The following ZNF83 variants were observed in gnomAD, a reference collection of about 807,000 sequenced individuals.
ZNF83 encodes the protein zinc finger protein 816B.
For synonymous variants in ZNF83, 209 were observed against 213.0 expected (o/e 0.98, Z 0.17); for missense variants, 552 against 629.9 (o/e 0.88, Z 1.32).
intron 1 of ZNF83, among the ~76,000 whole-genome samples, chr19:52,670,840 A>T (rs887556896): frequency 3.3e-5 from 5 of 152,202 alleles, no homozygotes; most frequent in Non-Finnish European, 7.3e-5. Context: ...ACATTTTCTG[A>T]TTAGAATTGG....
chr19:52,645,743 G>T (rs2061363928), intron 3 of ZNF83, among the ~76,000 whole-genome samples: 2 of 151,250 alleles, frequency 1.3e-5, no homozygotes, highest in South Asian at 2.1e-4. Flanking sequence ...GGAGACAGAG[G>T]TTGCAGTGAG....
intron 2 of ZNF83, among the ~76,000 whole-genome samples, chr19:52,633,499 G>A (rs2147179172): frequency 6.6e-6 from 1 of 152,312 alleles, no homozygotes; most frequent in African/African-American, 2.4e-5. Context: ...GCACAGAACT[G>A]ACAGTAGCGG....
intron 3 of ZNF83, chr19:52,654,313 T>C: frequency 6.7e-7 from 1 of 1,490,092 alleles, no homozygotes; most frequent in Non-Finnish European, 9.3e-7. Context: ...GTGATGACTT[T>C]TATGTCTTTG....
intron 1 of ZNF83, among the ~76,000 whole-genome samples, chr19:52,666,887 TG>T (rs2061661442): frequency 6.6e-6 from 1 of 152,082 alleles, no homozygotes; most frequent in Non-Finnish European, 1.5e-5. Context: ...ATTCAATAAG[TG>T]ATAAAGAAAC....
intron 1 of ZNF83, among the ~76,000 whole-genome samples, chr19:52,680,098 GA>G (rs1249181839): frequency 1.3e-5 from 2 of 152,154 alleles, no homozygotes; most frequent in African/African-American, 4.8e-5. Flanking sequence ...AGAATTGCTT[GA>G]ACCTTGGAGA....
At position 52,643,990 on chromosome 19, in the gene ZNF83, G is replaced by A. The variant is rs1482030506; in HGVS notation, c.-73-8837C>T. Among the ~76,000 whole-genome samples the A allele has an allele frequency of 2.6e-5, 4 of 152,264 alleles. No homozygotes were observed. The East Asian group carries it at 7.7e-4, about 29-fold the overall frequency. On this transcript the variant is annotated intron_variant, in intron 3 of 5. Coordinates refer to the ZNF83 transcript ENST00000594682. ...GAAGCTGGACACTGGCAGGGGCCCTGGACACAGGGCTGTGGAGCCACAGTG... is the reference window on the plus strand; with the variant it reads ...GAAGCTGGACACTGGCAGGGGCCCTAGACACAGGGCTGTGGAGCCACAGTG...
intron 2 of ZNF83, among the ~76,000 whole-genome samples, chr19:52,620,528 C>A (rs1266862597): frequency 6.6e-6 from 1 of 152,180 alleles, no homozygotes; most frequent in South Asian, 2.1e-4. Context: ...TCACAAAGGA[C>A]CCATATGTTA....
rs557643255 is a variant in ZNF83, at chr19:52,619,585, C to T, written c.-233-4788G>A. On this transcript the variant is annotated intron_variant, in intron 2 of 2. Transcript: ENST00000301096. ...AGGTTGCAGTGAGCCAAGATCATGC[C>T]ACTGCACTCCAACCTGGGCAACAGA... Among the ~76,000 whole-genome samples the T allele has an allele frequency of 3.8e-4, 57 of 151,072 alleles. 2 individuals are homozygous for T. The highest frequency in any genetic ancestry group is 6.6e-4 in the Admixed American group (10 of 15,168).
At chr19:52,654,338 G>A (rs1312941535) in intron 3 of ZNF83, 4 of 1,382,756 alleles carry the variant, frequency 2.9e-6, no homozygotes, top group Non-Finnish European at 4.0e-6. Context: ...GTCCCTGTGT[G>A]GATCACTTCT....
intron 2 of ZNF83, chr19:52,655,785 C>T (rs1311344318): frequency 2.8e-5 from 17 of 614,666 alleles, no homozygotes; most frequent in Middle Eastern, 2.8e-4. Flanking sequence ...TGATCCAAGA[C>T]GGTGTTCTGA....
At chr19:52,676,133 G>A (rs960920097) in intron 1 of ZNF83, among the ~76,000 whole-genome samples, 21 of 152,226 alleles carry the variant, frequency 1.4e-4, no homozygotes, top group African/African-American at 2.2e-4. Flanking sequence ...GGCGCGCGCC[G>A]CCACGCCTGA....
In ZNF83 at chr19:52,686,112, A is replaced by C. The variant is rs1292620522; in HGVS notation, c.-283+4331T>G. On this transcript the variant is annotated intron_variant, in intron 1 of 5. Coordinates refer to the ZNF83 transcript ENST00000594682. ...CTGGTTAAACTGCATTTTGATGTTA[A>C]GGTAAAAGGTCACTGACATCTTTAC... is the stretch of plus-strand genomic sequence containing the variant. Among the ~76,000 whole-genome samples, 5 of 152,306 alleles carry C rather than the reference A, an allele frequency of 3.3e-5. No individual in the cohort carries two copies. In the South Asian group the frequency reaches 6.2e-4, roughly 19 times the overall value.
chr19:52,634,697 T>G (rs1027505935), intron 2 of ZNF83, among the ~76,000 whole-genome samples: 2 of 152,196 alleles, frequency 1.3e-5, no homozygotes, highest in African/African-American at 2.4e-5. Flanking sequence ...CATTAATACG[T>G]GACTTCCATT....
chr19:52,632,776 A>C (rs1041807282), intron 2 of ZNF83, among the ~76,000 whole-genome samples: 1 of 152,038 alleles, frequency 6.6e-6, no homozygotes, highest in Non-Finnish European at 1.5e-5. Context: ...TAGTTTTTCT[A>C]TTCATACAAA....
exon 3 of ZNF83, chr19:52,614,043 C>G (rs367561433): frequency 1.9e-6 from 3 of 1,613,072 alleles, no homozygotes; most frequent in African/African-American, 2.7e-5. Flanking sequence ...TATATGGTTT[C>G]TCTCCAGTAT....
chr19:52,664,179 G>C (rs1289122451), intron 1 of ZNF83, among the ~76,000 whole-genome samples: 1 of 115,458 alleles, frequency 8.7e-6, no homozygotes, highest in African/African-American at 3.2e-5. Flanking sequence ...CACTGCACCA[G>C]GCCTATTTTT....
chr19:52,652,690 G>T, intron 3 of ZNF83: 1 of 611,290 alleles, frequency 1.6e-6, no homozygotes. Flanking sequence ...AATGCTTGTA[G>T]CATTACTGAG....
At chr19:52,649,430 A>T (rs780459104) in intron 3 of ZNF83, among the ~76,000 whole-genome samples, 1 of 152,202 alleles carries the variant, frequency 6.6e-6, no homozygotes, top group Non-Finnish European at 1.5e-5. Flanking sequence ...CAGGACTGCT[A>T]TGAGAGTTTG....
chr19:52,618,769 A>C, intron 2 of ZNF83: 1 of 1,225,210 alleles, frequency 8.2e-7, no homozygotes, highest in Non-Finnish European at 1.1e-6. Context: ...AGAACATCTA[A>C]AAAAGGGGAC....
Sources: gnomAD v4.1 joint callset for allele counts (sites outside exome capture counted in the v4.1 genomes callset) on GRCh38, gnomAD v4.1.1 for gene constraint, MANE v1.5 for transcripts, NCBI Gene and HGNC (gene_info 2026-07-23, HGNC 2026-07-21) for gene names.